Variants in LAMA2 observed in about 807,000 individuals in gnomAD.
LAMA2 encodes the protein laminin subunit alpha-2.
In LAMA2, 269 loss-of-function variants were observed where a neutral mutation model predicts 364.8. The observed-to-expected ratio is 0.74, with a 90% CI of 0.67 to 0.82. The LOEUF (loss-of-function observed/expected upper bound fraction) is 0.82. Ranked by LOEUF, LAMA2 falls within the 40% of genes least tolerant of loss-of-function variation. The pLI is 0.00. For missense variants in LAMA2, 3,807 were observed against 3,873.2 expected (o/e 0.98, Z 0.45); for synonymous variants, 1,379 against 1,370.6 (o/e 1.01, Z -0.14).
At chr6:129,373,135 G>T in intron 34 of LAMA2, among the ~76,000 whole-genome samples, 1 of 152,112 alleles carries the variant, frequency 6.6e-6, no homozygotes, top group East Asian at 1.9e-4. Flanking sequence ...GTTTTTAATT[G>T]TAACGAAGCC....
chr6:129,016,000 T>A (rs527929381), intron 1 of LAMA2, among the ~76,000 whole-genome samples: 2 of 152,148 alleles, frequency 1.3e-5, no homozygotes, highest in African/African-American at 4.8e-5. Flanking sequence ...GTCATCTGCA[T>A]GGCATACAAT....
At position 129,492,469 on chromosome 6, in the gene LAMA2, C is replaced by A. The variant is rs781750033; in HGVS notation, c.8230C>A (p.Pro2744Thr). ...VPTPAFPTPT[P>T]VLTHGPCAAE... ...CACCCCAGCCTTTCCTACGCCCACC[C>A]CAGTTCTGACACATGTAAGTGTTTA... Residue 2744 changes from proline (P) to threonine (T), a missense_variant, in exon 58 of 65, where the codon CCA (proline) becomes ACA (threonine). Physicochemically the swap from Pro to Thr is conservative, Grantham distance 38. Around this residue, in one of 3 missense-constraint regions of LAMA2, gnomAD observed 3,333 missense variants for 3,345.7 expected, o/e 1.00. Coordinates refer to ENST00000421865, the MANE Select transcript of LAMA2 (RefSeq NM_000426.4). 1 of 1,613,958 alleles carries A rather than the reference C, an allele frequency of 6.2e-7. No homozygotes were observed. Among genetic ancestry groups the A allele is most frequent in the Non-Finnish European group, 8.5e-7 (1 of 1,179,888 alleles).
chr6:129,022,407 G>A (rs1353502081), intron 1 of LAMA2, among the ~76,000 whole-genome samples: 1 of 152,088 alleles, frequency 6.6e-6, no homozygotes, highest in Non-Finnish European at 1.5e-5. Context: ...GGCTCTCATT[G>A]TGTATTCATC....
At chr6:129,165,526 A>G (rs1292935730) in intron 8 of LAMA2, 50 bp from the exon 9 acceptor site, 2 of 1,255,150 alleles carry the variant, frequency 1.6e-6, no homozygotes, top group South Asian at 2.5e-5. Context: ...AGTGAAAAAT[A>G]TTGCTGTTTC....
chr6:129,291,923 T>A lies in LAMA2; in HGVS notation c.2856+203T>A, dbSNP rs918033184. Among the ~76,000 whole-genome samples the A allele has an allele frequency of 4.0e-5, 6 of 151,006 alleles. No homozygotes were observed. The South Asian group carries it at 1.3e-3, about 32-fold the overall frequency. On this transcript the variant is annotated intron_variant, in intron 20 of 64. Coordinates refer to ENST00000421865, the MANE Select transcript of LAMA2 (RefSeq NM_000426.4). Reference sequence around the variant, plus strand: ...TACATTACCATTTGACCTTAAACATTTTTTTTTGGCAGTGAATGTGTATTA... The same window carrying A: ...TACATTACCATTTGACCTTAAACATATTTTTTTGGCAGTGAATGTGTATTA...
chr6:129,472,643 C>A (rs1472768783), intron 51 of LAMA2, among the ~76,000 whole-genome samples: 3 of 151,978 alleles, frequency 2.0e-5, no homozygotes, highest in Non-Finnish European at 4.4e-5. Flanking sequence ...TGTCACAACA[C>A]TTAGCATCCT....
chr6:129,489,721 A>C (rs2114854916), intron 56 of LAMA2, among the ~76,000 whole-genome samples: 1 of 152,346 alleles, frequency 6.6e-6, no homozygotes, highest in Non-Finnish European at 1.5e-5. Flanking sequence ...TAACATCCAA[A>C]GTATGTTCAA....
chr6:129,192,886 TTAAC>T (rs766121635), intron 12 of LAMA2, 33 bp downstream of exon 12: 20 of 1,601,426 alleles, frequency 1.2e-5, no homozygotes, highest in Non-Finnish European at 1.4e-5. Flanking sequence ...CTATTCTGCT[TTAAC>T]TGACTGATCG....
chr6:129,366,203 C>T lies in LAMA2; in HGVS notation c.4718-16C>T, dbSNP rs111321210. On this transcript the variant is annotated splice_polypyrimidine_tract_variant and intron_variant, in intron 32 of 64. Coordinates refer to ENST00000421865, the MANE Select transcript of LAMA2 (RefSeq NM_000426.4). ...TTTAGCAGAAGTAACTACTCTTTGT[C>T]ACTTCTCTTTCACAGTTTGTGGAGA... 7 of 1,613,126 alleles carry T rather than the reference C, an allele frequency of 4.3e-6. No individual in the cohort carries two copies. Among genetic ancestry groups the T allele is most frequent in the Admixed American group, 1.7e-5 (1 of 59,918 alleles).
intron 62 of LAMA2, among the ~76,000 whole-genome samples, chr6:129,510,958 A>G (rs1223739159): frequency 6.6e-6 from 1 of 152,296 alleles, no homozygotes; most frequent in Admixed American, 6.5e-5. Flanking sequence ...ATTTCTGCAA[A>G]TTCACAGATG....
chr6:129,457,009 C>T (rs1408131422), intron 48 of LAMA2, among the ~76,000 whole-genome samples: 4 of 152,126 alleles, frequency 2.6e-5, no homozygotes, highest in East Asian at 1.9e-4. Context: ...ACAGTCCTTG[C>T]GCATTTCAAA....
intron 1 of LAMA2, among the ~76,000 whole-genome samples, chr6:128,991,001 T>C (rs917059238): frequency 6.6e-6 from 1 of 152,200 alleles, no homozygotes; most frequent in African/African-American, 2.4e-5. Flanking sequence ...GTTGTTTCTT[T>C]AGTGTTTGAT....
At chr6:129,204,443 G>T (rs561344660) in intron 12 of LAMA2, among the ~76,000 whole-genome samples, 1 of 151,534 alleles carries the variant, frequency 6.6e-6, no homozygotes, top group East Asian at 1.9e-4. Context: ...TATCCTTAAG[G>T]TGGGCGCTAA....
At chr6:129,200,428 G>A (rs1004023819) in intron 12 of LAMA2, among the ~76,000 whole-genome samples, 20 of 147,850 alleles carry the variant, frequency 1.4e-4, no homozygotes, top group Admixed American at 1.0e-3. Context: ...ACGTGTATAT[G>A]TGTACACATA....
intron 12 of LAMA2, among the ~76,000 whole-genome samples, chr6:129,239,373 G>C (rs1785237990): frequency 6.6e-6 from 1 of 152,168 alleles, no homozygotes; most frequent in African/African-American, 2.4e-5. Flanking sequence ...GAAATGTATT[G>C]CTGTACCCTA....
intron 12 of LAMA2, among the ~76,000 whole-genome samples, chr6:129,217,111 C>A (rs1783475361): frequency 6.6e-6 from 1 of 152,016 alleles, no homozygotes; most frequent in Non-Finnish European, 1.5e-5. Flanking sequence ...ATCGCTTGAA[C>A]CCAGGAGGCG....
intron 1 of LAMA2, among the ~76,000 whole-genome samples, chr6:128,960,857 A>G (rs1781443717): frequency 6.6e-6 from 1 of 152,042 alleles, no homozygotes; most frequent in Non-Finnish European, 1.5e-5. Flanking sequence ...TTCTCCGAGA[A>G]TATTGACTCA....
intron 58 of LAMA2, 101 bp from the exon 59 acceptor site, chr6:129,502,558 T>G: frequency 1.3e-6 from 1 of 796,560 alleles, no homozygotes; most frequent in Non-Finnish European, 2.2e-6. Flanking sequence ...TTTTTATTCT[T>G]AAAGAATTAC....
intron 3 of LAMA2, among the ~76,000 whole-genome samples, chr6:129,088,872 G>T (rs1024333531): frequency 6.6e-6 from 1 of 151,838 alleles, no homozygotes; most frequent in Admixed American, 6.6e-5. Flanking sequence ...CCAGACGATG[G>T]GCGGCCAGGC....
Sources: allele counts gnomAD v4.1 joint callset (sites outside exome capture counted in the v4.1 genomes callset), GRCh38; gene constraint gnomAD v4.1.1; regional missense constraint gnomAD v4.1.1; transcripts MANE v1.5; gene names NCBI Gene and HGNC (gene_info 2026-07-23, HGNC 2026-07-21).